Variants in SREBF2 observed in about 807,000 individuals in gnomAD.
The protein encoded by SREBF2 is sterol regulatory element binding transcription factor 2.
In SREBF2, 55 loss-of-function variants were observed where a neutral mutation model predicts 113.1. The observed-to-expected ratio is 0.49, with a 90% CI of 0.39 to 0.61. The LOEUF is 0.61. SREBF2 is among the 20% of genes least tolerant of loss of function. SREBF2 has a pLI of 0.00. For synonymous variants in SREBF2, 593 were observed against 605.7 expected, an observed-to-expected ratio of 0.98 and a Z score of 0.31; for missense variants, 1,349 against 1,487.4, an observed-to-expected ratio of 0.91 and a Z score of 1.53.
intron 1 of SREBF2, among the ~76,000 whole-genome samples, chr22:41,861,098 C>T (rs2077022922): frequency 1.3e-5 from 2 of 152,156 alleles, no homozygotes; most frequent in Admixed American, 1.3e-4. Context: ...TCAGTGTGAT[C>T]TCATTTTTGT....
intron 11 of SREBF2, among the ~76,000 whole-genome samples, chr22:41,889,532 A>AT (rs1431050388): frequency 1.3e-5 from 2 of 152,038 alleles, no homozygotes; most frequent in Non-Finnish European, 2.9e-5. Flanking sequence ...AAGAAATAAT[A>AT]TTTTTTGCTA....
At chr22:41,836,497 G>C (rs577958488) in intron 1 of SREBF2, among the ~76,000 whole-genome samples, 40 of 152,350 alleles carry the variant, frequency 2.6e-4, no homozygotes, top group African/African-American at 9.1e-4. Context: ...CATGCTGAAG[G>C]TCAGTGGTCT....
In SREBF2 at chr22:41,855,909, C is replaced by T. The variant is rs546250919; in HGVS notation, c.89-10922C>T. Among the ~76,000 whole-genome samples the T allele has an allele frequency of 9.9e-5, 15 of 151,872 alleles. No homozygotes were observed. In the East Asian group the frequency reaches 2.1e-3, roughly 22 times the overall value. ...TAGCTGGGACTACAGGCATGTGCCA[C>T]GAGGCCTGACCAAGTTTTTTTATTT... On this transcript the variant is annotated intron_variant, in intron 1 of 18. Coordinates refer to ENST00000361204, the MANE Select transcript of SREBF2 (RefSeq NM_004599.4).
In SREBF2 at chr22:41,904,850, G is replaced by A. The variant is rs768764918; in HGVS notation, c.3094-13G>A. 3.2e-6 allele frequency: 5 copies of A among 1,572,440 alleles called. No homozygotes were observed. The highest frequency in any genetic ancestry group is 1.2e-5 in the South Asian group (1 of 85,954). On this transcript the variant is annotated splice_polypyrimidine_tract_variant and intron_variant, in intron 17 of 18. Coordinates refer to ENST00000361204, the MANE Select transcript of SREBF2 (RefSeq NM_004599.4). ...CCAGGGGTGTGATGGATGTCACCCCGGCACCTCCCCAGGTGTTCCTGCATG... is the reference window on the plus strand; with the variant it reads ...CCAGGGGTGTGATGGATGTCACCCCAGCACCTCCCCAGGTGTTCCTGCATG...
chr22:41,895,580 C>T (rs575686638), intron 13 of SREBF2, among the ~76,000 whole-genome samples: 3 of 151,872 alleles, frequency 2.0e-5, no homozygotes, highest in East Asian at 3.9e-4. Flanking sequence ...GGATTACAGG[C>T]GCCCACCACC....
At chr22:41,898,375 C>T (rs2077434411) in intron 14 of SREBF2, among the ~76,000 whole-genome samples, 1 of 152,242 alleles carries the variant, frequency 6.6e-6, no homozygotes, top group Non-Finnish European at 1.5e-5. Context: ...GCCTCAGCCT[C>T]CCAAAATGCT....
chr22:41,858,375 A>G (rs896696462), intron 1 of SREBF2, among the ~76,000 whole-genome samples: 1 of 152,222 alleles, frequency 6.6e-6, no homozygotes, highest in Non-Finnish European at 1.5e-5. Flanking sequence ...TAATTTCACT[A>G]TACAATGTAA....
In SREBF2 at chr22:41,873,721, C is replaced by T. The variant is rs141296711; in HGVS notation, c.868-77C>T. The T allele has an allele frequency of 8.6e-4, 1,256 of 1,463,534 alleles. 6 individuals are homozygous for T. The African/African-American group carries it at 0.014, about 16-fold the overall frequency. The allele number at this position is 1,463,534 out of a possible 1,614,324, so 90.7% of individuals were successfully genotyped here. On this transcript the variant is annotated intron_variant, in intron 4 of 18. Transcript: ENST00000361204. ...CAGGTCTGGCAGCACTTGGCCAAAGCGGGCAGGTCTGTGTTGAGGTTGCTT... is the reference window on the plus strand; with the variant it reads ...CAGGTCTGGCAGCACTTGGCCAAAGTGGGCAGGTCTGTGTTGAGGTTGCTT...
chr22:41,897,192 G>A (rs2077424495), intron 14 of SREBF2, 31 bp downstream of exon 14: 2 of 1,513,880 alleles, frequency 1.3e-6, no homozygotes, highest in Non-Finnish European at 1.8e-6. Flanking sequence ...CACAGTCTCA[G>A]GGTGCTCAGT....
rs1386430150 is a variant in SREBF2 at position 41,871,000 on chromosome 22, A to G, written c.832A>G (p.Thr278Ala). 1 of 1,613,786 alleles carries G rather than the reference A, an allele frequency of 6.2e-7. No homozygotes were observed. Among genetic ancestry groups the G allele is most frequent in the Non-Finnish European group, 8.5e-7 (1 of 1,179,974 alleles). The change falls in exon 4 of 19, where the codon ACC becomes GCC. Residue 278 changes from threonine (T) to alanine (A), a missense_variant. Coordinates refer to ENST00000361204, the MANE Select transcript of SREBF2 (RefSeq NM_004599.4). ...AVQNPALTALTTPIQTAALQV... is the reference protein window; with the variant it reads ...AVQNPALTALATPIQTAALQV... Reference sequence around the variant, plus strand: ...CCAGAACCCGGCCCTCACCGCCCTCACCACCCCTATCCAGACGGCTGCCCT... The same window carrying G: ...CCAGAACCCGGCCCTCACCGCCCTCGCCACCCCTATCCAGACGGCTGCCCT...
chr22:41,861,245 A>T (rs2148367902), intron 1 of SREBF2, among the ~76,000 whole-genome samples: 1 of 152,308 alleles, frequency 6.6e-6, no homozygotes, highest in African/African-American at 2.4e-5. Flanking sequence ...GCACTTTGGG[A>T]GGCCGAGGCA....
chr22:41,904,972 A>G lies in SREBF2; in HGVS notation c.3203A>G (p.His1068Arg), dbSNP rs934622280. Residue 1068 changes from histidine to arginine, a missense_variant and splice_region_variant, in exon 18 of 19, where the codon CAC becomes CGC. By Grantham distance (29) the His-to-Arg change is conservative. Around this residue, in one of 2 missense-constraint regions of SREBF2, gnomAD observed 650 missense variants for 644.1 expected, o/e 1.01. Coordinates refer to ENST00000361204, the MANE Select transcript of SREBF2 (RefSeq NM_004599.4). The part of the protein sequence containing the change: ...LRRRTTQSTK[H>R]GEVDAWPGQR... ...CGGCGCACCACGCAGAGCACCAAGCACGGTGAGTCCACCCCTCCCCAGCTC... is the reference window on the plus strand; with the variant it reads ...CGGCGCACCACGCAGAGCACCAAGCGCGGTGAGTCCACCCCTCCCCAGCTC... 1.3e-6 allele frequency: 2 copies of G among 1,590,216 alleles called. No individual in the cohort carries two copies. Among genetic ancestry groups the G allele is most frequent in the Non-Finnish European group, 1.7e-6 (2 of 1,173,462 alleles).
At position 41,905,786 on chromosome 22, in the gene SREBF2, C is replaced by A. The variant is rs1258096687; in HGVS notation, c.*126C>A. The A allele has an allele frequency of 1.8e-6, 2 of 1,088,476 alleles. No individual in the cohort carries two copies. Among genetic ancestry groups the A allele is most frequent in the Non-Finnish European group, 2.7e-6 (2 of 727,596 alleles). The allele number at this position is 1,088,476 out of a possible 1,614,324, so 67.4% of individuals were successfully genotyped here. A position where few individuals can be genotyped will look rare whatever the true frequency, so the allele number is the denominator to read the frequency against. Reference sequence around the variant, plus strand: ...GCTGTCACCTGCCGAGGCTTCTGGGCCACTCAGGCCAGTGCACCCCTGGGC... The same window carrying A: ...GCTGTCACCTGCCGAGGCTTCTGGGACACTCAGGCCAGTGCACCCCTGGGC... On this transcript the variant is annotated 3_prime_UTR_variant, in exon 19 of 19. Coordinates refer to ENST00000361204, the MANE Select transcript of SREBF2 (RefSeq NM_004599.4).
At chr22:41,844,950 C>G (rs1188860540) in intron 1 of SREBF2, among the ~76,000 whole-genome samples, 2 of 112,680 alleles carry the variant, frequency 1.8e-5, no homozygotes, top group African/African-American at 6.8e-5. Flanking sequence ...CCCACCCCCA[C>G]AAGAGTCCTG....
Position 41,833,392 on chromosome 22 carries a change from C to T in SREBF2, c.88+34C>T, listed in dbSNP as rs1216854499. ...TGGGTGGGTGGGAGTGCGGGGGCCGCGCGGGGAGGAAGGGGTTACGGCGGC... is the reference window on the plus strand; with the variant it reads ...TGGGTGGGTGGGAGTGCGGGGGCCGTGCGGGGAGGAAGGGGTTACGGCGGC... On this transcript the variant is annotated intron_variant, in intron 1 of 18. Transcript: ENST00000361204. The surrounding 1 kb of genome is among the most constrained non-coding windows in gnomAD (Gnocchi z 4.1). 8 of 1,409,596 alleles carry T rather than the reference C, an allele frequency of 5.7e-6. No individual in the cohort carries two copies. The highest frequency in any genetic ancestry group is 1.5e-5 in the African/African-American group (1 of 67,832). 87.3% of individuals were successfully genotyped at this position (1,409,596 alleles called of 1,614,324 possible).
At chr22:41,889,335 C>T (rs1284239521) in intron 11 of SREBF2, among the ~76,000 whole-genome samples, 1 of 152,058 alleles carries the variant, frequency 6.6e-6, no homozygotes, top group African/African-American at 2.4e-5. Flanking sequence ...CTATGTTGCT[C>T]AGGCTGGTCT....
intron 1 of SREBF2, among the ~76,000 whole-genome samples, chr22:41,845,306 G>T (rs1009348836): frequency 6.6e-6 from 1 of 152,130 alleles, no homozygotes; most frequent in Non-Finnish European, 1.5e-5. Flanking sequence ...ATTTGCCAAT[G>T]CTTCCTATGC....
rs373654768 is a variant in SREBF2, at chr22:41,905,596, C to T, written c.3362C>T (p.Ser1121Phe). Reference protein sequence around the residue: ...RTLEKVGDRRSCNDCQQMIVK... With the variant: ...RTLEKVGDRRFCNDCQQMIVK... Reference sequence around the variant, plus strand: ...CTGGAGAAGGTGGGCGACCGGCGCTCCTGCAACGACTGCCAGCAGATGATT... The same window carrying T: ...CTGGAGAAGGTGGGCGACCGGCGCTTCTGCAACGACTGCCAGCAGATGATT... Residue 1121 changes from serine (S) to phenylalanine (F), a missense_variant, in exon 19 of 19, where the codon TCC becomes TTC. This residue lies in a region of SREBF2 where 650 missense variants were observed against 644.1 expected (regional missense o/e 1.01). Coordinates refer to ENST00000361204, the MANE Select transcript of SREBF2 (RefSeq NM_004599.4). The T allele has an allele frequency of 1.2e-4, 194 of 1,599,780 alleles. No individual in the cohort carries two copies. Among genetic ancestry groups the T allele is most frequent in the Non-Finnish European group, 1.4e-4 (170 of 1,174,202 alleles).
chr22:41,896,807 TG>T (rs1293768595), intron 13 of SREBF2, among the ~76,000 whole-genome samples: 1 of 152,056 alleles, frequency 6.6e-6, no homozygotes, highest in Non-Finnish European at 1.5e-5. Flanking sequence ...GGGTAGGCTG[TG>T]GGGGATGCTA....
Sources: gnomAD v4.1 joint callset for allele counts (sites outside exome capture counted in the v4.1 genomes callset) on GRCh38, gnomAD v4.1.1 for gene constraint, gnomAD v4.1.1 regional missense constraint, Gnocchi (gnomAD v3.1) non-coding constraint, MANE v1.5 for transcripts, NCBI Gene and HGNC (gene_info 2026-07-23, HGNC 2026-07-21) for gene names.